Variants in GPR158 observed in about 807,000 individuals in gnomAD.
GPR158 encodes the protein metabotropic glycine receptor.
A neutral mutation model predicts 78.2 loss-of-function variants in GPR158; 30 were observed. The ratio of observed to expected loss-of-function variants is 0.38; its 90% confidence interval spans 0.29 to 0.52. GPR158 has a LOEUF of 0.52. GPR158 is among the 20% of genes least tolerant of loss of function. The pLI is 0.83. For synonymous variants in GPR158, 581 were observed against 591.1 expected (o/e 0.98, Z 0.25); for missense variants, 1,463 against 1,523.5 (o/e 0.96, Z 0.66).
intron 5 of GPR158, among the ~76,000 whole-genome samples, chr10:25,501,879 A>G (rs941102977): frequency 5.9e-5 from 9 of 152,292 alleles, no homozygotes; most frequent in Middle Eastern, 3.4e-3. Context: ...TTGAACTTCA[A>G]CACCAGTCCC....
intron 4 of GPR158, among the ~76,000 whole-genome samples, chr10:25,415,549 G>A (rs1004389473): frequency 6.6e-6 from 1 of 152,018 alleles, no homozygotes; most frequent in Non-Finnish European, 1.5e-5. Flanking sequence ...ATTCCTGTTG[G>A]AAATGTAAAT....
At chr10:25,247,500 ATT>A (rs1853711951) in intron 2 of GPR158, among the ~76,000 whole-genome samples, 2 of 106,310 alleles carry the variant, frequency 1.9e-5, no homozygotes, top group Non-Finnish European at 3.5e-5. Context: ...AGAGTGTGAT[ATT>A]CCCCTTCCTG....
intron 5 of GPR158, chr10:25,475,849 A>T (rs1212970579): frequency 6.6e-6 from 1 of 152,162 alleles, no homozygotes; most frequent in African/African-American, 2.4e-5. Flanking sequence ...AGCTAACTCC[A>T]TGGAAGTAGG....
At chr10:25,242,965 T>A (rs1045479083) in intron 2 of GPR158, among the ~76,000 whole-genome samples, 1 of 152,210 alleles carries the variant, frequency 6.6e-6, no homozygotes, top group South Asian at 2.1e-4. Flanking sequence ...CATGCCAGAT[T>A]TGGAATTTGC....
intron 2 of GPR158, among the ~76,000 whole-genome samples, chr10:25,366,813 T>A (rs1466331819): frequency 1.4e-5 from 2 of 146,660 alleles, no homozygotes; most frequent in South Asian, 4.4e-4. Flanking sequence ...TTGATTAAAT[T>A]TTTTTTGATG....
At chr10:25,487,788 A>G (rs1460393571) in intron 5 of GPR158, among the ~76,000 whole-genome samples, 1 of 152,176 alleles carries the variant, frequency 6.6e-6, no homozygotes, top group African/African-American at 2.4e-5. Flanking sequence ...AAGAAAAAGG[A>G]AAAGCATTTT....
intron 2 of GPR158, among the ~76,000 whole-genome samples, chr10:25,230,719 T>C (rs1853436226): frequency 6.6e-6 from 1 of 152,208 alleles, no homozygotes; most frequent in South Asian, 2.1e-4. Context: ...TTTACCTCAA[T>C]GTAACTGGAA....
At chr10:25,266,148 T>C (rs954888794) in intron 2 of GPR158, among the ~76,000 whole-genome samples, 2 of 152,214 alleles carry the variant, frequency 1.3e-5, no homozygotes, top group Non-Finnish European at 2.9e-5. Context: ...TCAGTCTTCA[T>C]GTTCAGGAAT....
intron 1 of GPR158, among the ~76,000 whole-genome samples, chr10:25,210,627 C>G (rs1853116617): frequency 6.6e-6 from 1 of 152,150 alleles, no homozygotes; most frequent in South Asian, 2.1e-4. Flanking sequence ...TGTGCTCAAG[C>G]ATTTCTTCAT....
intron 6 of GPR158, among the ~76,000 whole-genome samples, chr10:25,567,114 G>A (rs2130727142): frequency 6.6e-6 from 1 of 152,138 alleles, no homozygotes; most frequent in South Asian, 2.1e-4. Context: ...AAGACTGGAT[G>A]GCTTGAGGAT....
intron 2 of GPR158, among the ~76,000 whole-genome samples, chr10:25,326,948 TTG>T (rs976537274): frequency 1.3e-5 from 2 of 152,210 alleles, no homozygotes; most frequent in African/African-American, 4.8e-5. Context: ...CATCTTATGA[TTG>T]TGCTATGTCT....
At chr10:25,590,332 C>T (rs930308682) in intron 8 of GPR158, among the ~76,000 whole-genome samples, 1 of 152,180 alleles carries the variant, frequency 6.6e-6, no homozygotes, top group African/African-American at 2.4e-5. Flanking sequence ...TTGTCTTGCC[C>T]TCTCTGAGAG....
intron 2 of GPR158, among the ~76,000 whole-genome samples, chr10:25,233,786 A>G (rs1177083130): frequency 6.6e-6 from 1 of 152,216 alleles, no homozygotes; most frequent in Non-Finnish European, 1.5e-5. Flanking sequence ...TCCCGAGGTT[A>G]TACAAGATGT....
chr10:25,394,562 C>T (rs1350163548), intron 2 of GPR158, among the ~76,000 whole-genome samples: 2 of 152,164 alleles, frequency 1.3e-5, no homozygotes, highest in Non-Finnish European at 2.9e-5. Context: ...TACTTGCTAA[C>T]TCAGTTGAAT....
chr10:25,313,390 A>G (rs1169391896), intron 2 of GPR158, among the ~76,000 whole-genome samples: 1 of 152,092 alleles, frequency 6.6e-6, no homozygotes, highest in Non-Finnish European at 1.5e-5. Flanking sequence ...CTAAAACTTA[A>G]AGTATAATAA....
At chr10:25,363,536 G>T (rs770570179) in intron 2 of GPR158, among the ~76,000 whole-genome samples, 8 of 151,854 alleles carry the variant, frequency 5.3e-5, no homozygotes, top group Non-Finnish European at 1.0e-4. Context: ...TGGCAAGGAG[G>T]CAGGAGGAAA....
intron 4 of GPR158, among the ~76,000 whole-genome samples, chr10:25,428,870 G>C (rs1373175199): frequency 1.3e-5 from 2 of 152,062 alleles, no homozygotes; most frequent in Non-Finnish European, 2.9e-5. Flanking sequence ...TATATATGAA[G>C]AAACCTGAAG....
chr10:25,594,446 A>T (rs777564733), intron 9 of GPR158, 49 bp downstream of exon 9: 26 of 821,220 alleles, frequency 3.2e-5, no homozygotes, highest in Non-Finnish European at 4.6e-5. Context: ...TTTTTAATGA[A>T]CATGGAGTTG....
At chr10:25,192,823 G>C (rs1356606203) in intron 1 of GPR158, among the ~76,000 whole-genome samples, 1 of 150,918 alleles carries the variant, frequency 6.6e-6, no homozygotes, top group Non-Finnish European at 1.5e-5. Flanking sequence ...AAAAAAAAAA[G>C]TGATACACAT....
Sources: gnomAD v4.1 joint callset for allele counts (sites outside exome capture counted in the v4.1 genomes callset) on GRCh38, gnomAD v4.1.1 for gene constraint, MANE v1.5 for transcripts, NCBI Gene and HGNC (gene_info 2026-07-23, HGNC 2026-07-21) for gene names.